Variants in STXBP5L observed in about 807,000 individuals in gnomAD.
STXBP5L encodes the protein syntaxin-binding protein 5-like.
A neutral mutation model predicts 144.5 loss-of-function variants in STXBP5L; 65 were observed. The observed-to-expected ratio is 0.45, with a 90% CI of 0.37 to 0.55. The LOEUF is 0.55. STXBP5L is among the 20% of genes least tolerant of loss of function. The pLI is 0.00. For missense variants in STXBP5L, 1,298 were observed against 1,405.5 expected (o/e 0.92, Z 1.22); for synonymous variants, 505 against 469.6 (o/e 1.08, Z -0.97).
intron 19 of STXBP5L, among the ~76,000 whole-genome samples, chr3:121,315,865 G>GGT (rs2043767431): frequency 6.6e-6 from 1 of 151,866 alleles, no homozygotes; most frequent in Admixed American, 6.6e-5. Context: ...AGCTGGGCTT[G>GGT]GTGGCACACA....
At chr3:121,054,740 A>T (rs1169382829) in intron 5 of STXBP5L, among the ~76,000 whole-genome samples, 3 of 151,982 alleles carry the variant, frequency 2.0e-5, no homozygotes, top group African/African-American at 7.3e-5. Context: ...AAAGTATAAT[A>T]ATAATAAAAT....
chr3:121,254,101 T>C (rs1210872491), intron 15 of STXBP5L, among the ~76,000 whole-genome samples: 1 of 152,208 alleles, frequency 6.6e-6, no homozygotes. Flanking sequence ...GGTTATTTTA[T>C]AGAATCTCCT....
In STXBP5L at chr3:121,115,668, CA is replaced by C. The variant is rs764587792; in HGVS notation, c.605+611del. ...CATTGCTATAAAGGAATCCCTGAGA[CA>C]AGGTAATTTATATAGAAAAGAGGTT... is the stretch of plus-strand genomic sequence containing the variant. On this transcript the variant is annotated intron_variant, in intron 6 of 26. Transcript: ENST00000471454. Among the ~76,000 whole-genome samples the C allele has an allele frequency of 3.3e-5, 5 of 152,052 alleles. No homozygotes were observed. In the East Asian group the frequency reaches 9.6e-4, roughly 29 times the overall value.
intron 2 of STXBP5L, among the ~76,000 whole-genome samples, chr3:120,923,004 A>C (rs1266617679): frequency 1.3e-5 from 2 of 151,790 alleles, no homozygotes; most frequent in Non-Finnish European, 2.9e-5. Context: ...GAGACTTTTT[A>C]TTACTGCTTC....
intron 20 of STXBP5L, among the ~76,000 whole-genome samples, chr3:121,324,891 GCGGGTA>G (rs2044092780): frequency 6.6e-6 from 1 of 151,948 alleles, no homozygotes; most frequent in Admixed American, 6.6e-5. Flanking sequence ...TAAGGGGGTC[GCGGGTA>G]CGGTCAATAG....
chr3:121,143,574 A>G (rs1195501518), intron 7 of STXBP5L, among the ~76,000 whole-genome samples: 1 of 151,882 alleles, frequency 6.6e-6, no homozygotes, highest in African/African-American at 2.4e-5. Context: ...GGCTACAATA[A>G]TTAATGTAGT....
chr3:121,157,958 G>C (rs542205034), intron 9 of STXBP5L: 5 of 214,854 alleles, frequency 2.3e-5, no homozygotes, highest in Non-Finnish European at 2.7e-5. Context: ...GCCAGTGAGA[G>C]AATGGCACTA....
rs562604623 is a variant in STXBP5L at position 121,051,692 on chromosome 3, G to C, written c.470+6157G>C. Reference sequence around the variant, plus strand: ...ATTAATAGAACTAGAGAAGCAAGAGGAAACACATTCAAAAGCTAGCAGAAG... The same window carrying C: ...ATTAATAGAACTAGAGAAGCAAGAGCAAACACATTCAAAAGCTAGCAGAAG... On this transcript the variant is annotated intron_variant, in intron 5 of 26. Transcript: ENST00000471454. Among the ~76,000 whole-genome samples the C allele has an allele frequency of 5.3e-5, 8 of 151,972 alleles. No homozygotes were observed. In the East Asian group the frequency reaches 5.8e-4, roughly 11 times the overall value.
At chr3:120,926,400 G>C (rs1195098838) in intron 2 of STXBP5L, among the ~76,000 whole-genome samples, 1 of 142,416 alleles carries the variant, frequency 7.0e-6, no homozygotes, top group Non-Finnish European at 1.5e-5. Context: ...GGCCTATATA[G>C]TTTCCATTGA....
chr3:121,362,325 T>G (rs558147421), intron 20 of STXBP5L, among the ~76,000 whole-genome samples: 6 of 152,332 alleles, frequency 3.9e-5, no homozygotes, highest in Admixed American at 2.0e-4. Flanking sequence ...TGGGGCTCTA[T>G]GATCTGCAAG....
chr3:121,218,464 G>T (rs1183680770), intron 10 of STXBP5L, among the ~76,000 whole-genome samples: 2 of 150,842 alleles, frequency 1.3e-5, no homozygotes, highest in East Asian at 3.9e-4. Context: ...ATTACTGCTT[G>T]CTTTTGAATT....
At chr3:121,236,284 AAG>A (rs1179256331) in intron 12 of STXBP5L, among the ~76,000 whole-genome samples, 1 of 152,198 alleles carries the variant, frequency 6.6e-6, no homozygotes, top group African/African-American at 2.4e-5. Context: ...AAAAATTTAA[AAG>A]TTTCCTATAT....
intron 19 of STXBP5L, among the ~76,000 whole-genome samples, chr3:121,289,006 A>C (rs192008797): frequency 6.6e-6 from 1 of 151,704 alleles, no homozygotes; most frequent in East Asian, 1.9e-4. Flanking sequence ...GATTTTAAAA[A>C]TACCTACCAG....
At chr3:121,007,652 ATAT>A (rs1393287765) in intron 3 of STXBP5L, among the ~76,000 whole-genome samples, 4 of 151,964 alleles carry the variant, frequency 2.6e-5, no homozygotes, top group Admixed American at 1.3e-4. Flanking sequence ...TGAGGGTGGG[ATAT>A]TATTCACTAG....
At chr3:121,059,090 GT>G (rs1948645774) in intron 5 of STXBP5L, among the ~76,000 whole-genome samples, 1 of 152,180 alleles carries the variant, frequency 6.6e-6, no homozygotes, top group African/African-American at 2.4e-5. Context: ...TTCTTCTAGA[GT>G]TTTTATGATT....
chr3:121,008,410 A>T (rs990239347), intron 3 of STXBP5L, among the ~76,000 whole-genome samples: 5 of 152,048 alleles, frequency 3.3e-5, no homozygotes, highest in African/African-American at 2.4e-5. Context: ...TGCAACAGTG[A>T]CTAAATTTAT....
intron 22 of STXBP5L, among the ~76,000 whole-genome samples, chr3:121,399,546 T>C (rs547640164): frequency 9.2e-5 from 14 of 152,330 alleles, no homozygotes; most frequent in Non-Finnish European, 1.8e-4. Flanking sequence ...GTCATTAGCA[T>C]TGTTTCTATA....
At chr3:120,938,066 G>A (rs1375183121) in intron 2 of STXBP5L, among the ~76,000 whole-genome samples, 1 of 151,570 alleles carries the variant, frequency 6.6e-6, no homozygotes, top group Non-Finnish European at 1.5e-5. Flanking sequence ...AGAAAATACA[G>A]GTAAGCAAAA....
chr3:121,329,645 G>C (rs2044259336), intron 20 of STXBP5L, among the ~76,000 whole-genome samples: 1 of 152,178 alleles, frequency 6.6e-6, no homozygotes, highest in Non-Finnish European at 1.5e-5. Context: ...AGGATTGCTT[G>C]AGGTCAGGAG....
Sources: gnomAD v4.1 joint callset for allele counts (sites outside exome capture counted in the v4.1 genomes callset) on GRCh38, gnomAD v4.1.1 for gene constraint, MANE v1.5 for transcripts, NCBI Gene and HGNC (gene_info 2026-07-23, HGNC 2026-07-21) for gene names.